Variants in CHODL observed in about 807,000 individuals in gnomAD.
CHODL encodes the protein transmembrane protein MT75.
In CHODL, 29 loss-of-function variants were observed where a neutral mutation model predicts 34.5. The observed-to-expected ratio is 0.84, with a 90% confidence interval of 0.63 to 1.15. CHODL has a LOEUF of 1.15. Among genes scored for constraint, CHODL ranks in the 50% most tolerant of loss-of-function variants. The pLI is 0.00. For missense variants in CHODL, 332 were observed against 332.5 expected (o/e 1.00, Z 0.01); for synonymous variants, 125 against 116.1 (o/e 1.08, Z -0.49).
chr21:18,079,520 T>C (rs894251148), intron 2 of CHODL, among the ~76,000 whole-genome samples: 2 of 149,398 alleles, frequency 1.3e-5, no homozygotes, highest in African/African-American at 4.9e-5. Context: ...ATATATACCA[T>C]AGAATATTAT....
At chr21:18,136,719 C>CACATATAT (rs1701238461) in intron 2 of CHODL, among the ~76,000 whole-genome samples, 1 of 118,730 alleles carries the variant, frequency 8.4e-6, no homozygotes, top group Non-Finnish European at 1.9e-5. Flanking sequence ...TAAATCAAAG[C>CACATATAT]ATATATATAT....
intron 1 of CHODL, among the ~76,000 whole-genome samples, chr21:17,979,544 CT>C: frequency 6.6e-6 from 1 of 152,066 alleles, no homozygotes; most frequent in East Asian, 1.9e-4. Flanking sequence ...TTGATTACTG[CT>C]AATTTTTGGT....
intron 2 of CHODL, among the ~76,000 whole-genome samples, chr21:18,136,128 A>G (rs1237299395): frequency 6.6e-6 from 1 of 150,736 alleles, no homozygotes; most frequent in Non-Finnish European, 1.5e-5. Context: ...AGAAAAAGAA[A>G]AAAAAGAAAA....
intron 2 of CHODL, among the ~76,000 whole-genome samples, chr21:18,129,920 G>C (rs867053282): frequency 7.6e-5 from 9 of 117,862 alleles, no homozygotes; most frequent in East Asian, 3.2e-4. Context: ...GTGTGTGTGT[G>C]TGTGTGTGTC....
chr21:18,059,283 C>T (rs1455432903), intron 2 of CHODL, among the ~76,000 whole-genome samples: 1 of 152,098 alleles, frequency 6.6e-6, no homozygotes, highest in Admixed American at 6.5e-5. Context: ...GCCATCAAAC[C>T]TTGATTATGA....
intron 2 of CHODL, among the ~76,000 whole-genome samples, chr21:18,098,301 G>A (rs759844493): frequency 4.0e-5 from 6 of 151,786 alleles, no homozygotes; most frequent in Non-Finnish European, 8.8e-5. Flanking sequence ...AATATTTGCA[G>A]ACTACCCATA....
At chr21:18,108,221 G>C (rs1423345477) in intron 2 of CHODL, among the ~76,000 whole-genome samples, 1 of 151,784 alleles carries the variant, frequency 6.6e-6, no homozygotes, top group Non-Finnish European at 1.5e-5. Flanking sequence ...ATGTCTGCTG[G>C]AAGGTCACGG....
Position 17,955,035 on chromosome 21 carries a change from A to C in CHODL, c.-145+37635A>C. Among the ~76,000 whole-genome samples the C allele has an allele frequency of 1.5e-5, 2 of 134,354 alleles. 1 individual carries two copies. Among genetic ancestry groups the C allele is most frequent in the East Asian group, 4.4e-4 (2 of 4,540 alleles). 88.1% of individuals were successfully genotyped at this position (134,354 alleles called of 152,430 possible). On this transcript the variant is annotated intron_variant, in intron 1 of 6. Transcript: ENST00000400127. The stretch of plus-strand genomic sequence containing the variant: ...TAGACAAGAGGAATTTATTTCTCAC[A>C]GTTCTGGAGGCTGGAAAGTCCAAGA...
intron 2 of CHODL, among the ~76,000 whole-genome samples, chr21:18,072,051 C>T (rs1164527533): frequency 2.0e-5 from 3 of 151,786 alleles, no homozygotes; most frequent in Non-Finnish European, 2.9e-5. Context: ...GCTAGCAGAT[C>T]TTAACATTCT....
chr21:18,109,284 A>C (rs2065318103), intron 2 of CHODL, among the ~76,000 whole-genome samples: 1 of 152,334 alleles, frequency 6.6e-6, no homozygotes, highest in East Asian at 1.9e-4. Context: ...TCGCCACAGA[A>C]TCTGAAAATC....
chr21:18,174,746 G>A (rs1456911939), intron 2 of CHODL, among the ~76,000 whole-genome samples: 5 of 152,154 alleles, frequency 3.3e-5, no homozygotes, highest in African/African-American at 9.7e-5. Flanking sequence ...GCCTGGACAA[G>A]GATAAAATTG....
chr21:18,025,821 C>T (rs768671209), intron 1 of CHODL, among the ~76,000 whole-genome samples: 1 of 152,074 alleles, frequency 6.6e-6, no homozygotes, highest in Non-Finnish European at 1.5e-5. Context: ...CACGGTCTTT[C>T]CTCAGTCTCA....
intron 2 of CHODL, among the ~76,000 whole-genome samples, chr21:18,172,801 C>T (rs1568922433): frequency 1.3e-5 from 2 of 152,116 alleles, no homozygotes; most frequent in Admixed American, 6.6e-5. Context: ...CATTTATTGC[C>T]TCTCAGTTAA....
chr21:18,096,812 T>C lies in CHODL; in HGVS notation c.-45+68841T>C, dbSNP rs147543591. ...GAAGCATGTGATCTCTGTGACCCAC[T>C]CTCTATTCGTTCACTCCCTCCCCTT... is the stretch of plus-strand genomic sequence containing the variant. On this transcript the variant is annotated intron_variant, in intron 2 of 6. Coordinates refer to the CHODL transcript ENST00000400127. 5.1e-3 allele frequency among the ~76,000 whole-genome samples: 773 copies of C among 152,230 alleles called. 1 individual carries two copies. Among genetic ancestry groups the C allele is most frequent in the African/African-American group, 0.017 (701 of 41,552 alleles).
intron 1 of CHODL, among the ~76,000 whole-genome samples, chr21:17,950,361 G>A (rs572404250): frequency 6.6e-6 from 1 of 152,040 alleles, no homozygotes; most frequent in African/African-American, 2.4e-5. Context: ...GACCAAACTA[G>A]TAGTGCTTGA....
At chr21:18,031,530 A>T (rs956762360) in intron 2 of CHODL, among the ~76,000 whole-genome samples, 74 of 152,150 alleles carry the variant, frequency 4.9e-4, no homozygotes, top group African/African-American at 1.7e-3. Flanking sequence ...ATTATGAAAA[A>T]TAGATTTTTT....
At chr21:17,953,866 T>C (rs197587) in intron 1 of CHODL, among the ~76,000 whole-genome samples, 62,884 of 151,762 alleles carry the variant, frequency 0.41, 13,416 homozygotes, top group East Asian at 0.65. Flanking sequence ...AAACATTAGC[T>C]GGGTGTGGTG....
intron 2 of CHODL, among the ~76,000 whole-genome samples, chr21:18,198,501 A>G (rs1254248065): frequency 6.6e-6 from 1 of 152,210 alleles, no homozygotes; most frequent in Non-Finnish European, 1.5e-5. Flanking sequence ...ATACCATAAT[A>G]AATTTAACCC....
chr21:17,925,111 G>A (rs553293550), intron 1 of CHODL, among the ~76,000 whole-genome samples: 1 of 152,218 alleles, frequency 6.6e-6, no homozygotes, highest in South Asian at 2.1e-4. Flanking sequence ...ACTAGTGGCC[G>A]TGTGGGGTGG....
Sources: allele counts gnomAD v4.1 joint callset (sites outside exome capture counted in the v4.1 genomes callset), GRCh38; gene constraint gnomAD v4.1.1; transcripts MANE v1.5; gene names NCBI Gene and HGNC (gene_info 2026-07-23, HGNC 2026-07-21).